CCDC134: variants seen among roughly 807,000 people sequenced by gnomAD.
CCDC134 encodes the protein coiled-coil domain-containing protein 134.
A neutral mutation model predicts 25.6 loss-of-function variants in CCDC134; 27 were observed. The observed-to-expected ratio is 1.05, with a 90% CI of 0.78 to 1.45. CCDC134 has a LOEUF of 1.45. CCDC134 is among the 40% of genes most tolerant of loss of function. The pLI is 0.00. For synonymous variants in CCDC134, 110 were observed against 115.0 expected (o/e 0.96, Z 0.28); for missense variants, 261 against 286.7 (o/e 0.91, Z 0.65).
At chr22:41,811,309 A>G (rs2076594762) in intron 4 of CCDC134, among the ~76,000 whole-genome samples, 1 of 152,214 alleles carries the variant, frequency 6.6e-6, no homozygotes, top group Non-Finnish European at 1.5e-5. Context: ...AACATTTATT[A>G]GGGACTTCTG....
intron 6 of CCDC134, among the ~76,000 whole-genome samples, chr22:41,821,777 T>G (rs2076653262): frequency 6.6e-6 from 1 of 152,000 alleles, no homozygotes; most frequent in South Asian, 2.1e-4. Flanking sequence ...GGCTTGGCCT[T>G]GTACAGAAGA....
intron 1 of CCDC134, among the ~76,000 whole-genome samples, chr22:41,805,531 A>G (rs933394386): frequency 6.6e-6 from 1 of 152,250 alleles, no homozygotes. Flanking sequence ...TTACAAAAGT[A>G]TTTCTTATGG....
intron 4 of CCDC134, among the ~76,000 whole-genome samples, chr22:41,812,422 CAA>C (rs36098937): frequency 2.4e-3 from 183 of 77,188 alleles, no homozygotes; most frequent in African/African-American, 6.2e-3. Flanking sequence ...ACTCCGTCTC[CAA>C]AAAAAAAAAA....
At chr22:41,804,397 A>G (rs1427179165) in intron 1 of CCDC134, among the ~76,000 whole-genome samples, 1 of 152,202 alleles carries the variant, frequency 6.6e-6, no homozygotes, top group East Asian at 1.9e-4. Flanking sequence ...TTCATGAAAG[A>G]AAGTTAGATT....
intron 1 of CCDC134, among the ~76,000 whole-genome samples, chr22:41,808,029 G>A (rs916149352): frequency 2.6e-5 from 4 of 151,824 alleles, no homozygotes; most frequent in African/African-American, 7.3e-5. Flanking sequence ...GCATGGTGGC[G>A]CATGCGTGTA....
At chr22:41,815,661 A>AT (rs1282707835) in intron 6 of CCDC134, among the ~76,000 whole-genome samples, 1 of 151,464 alleles carries the variant, frequency 6.6e-6, no homozygotes, top group South Asian at 2.1e-4. Flanking sequence ...CATTATTATT[A>AT]TTTTTTTTAT....
intron 6 of CCDC134, among the ~76,000 whole-genome samples, chr22:41,815,012 G>A (rs921863841): frequency 3.3e-5 from 5 of 151,966 alleles, no homozygotes; most frequent in Non-Finnish European, 7.4e-5. Context: ...TCACCACACC[G>A]TTCGAGGTTG....
chr22:41,810,037 G>T, intron 3 of CCDC134, 37 bp downstream of exon 3: 1 of 1,612,250 alleles, frequency 6.2e-7, no homozygotes, highest in Non-Finnish European at 8.5e-7. Flanking sequence ...GGCAGGTCCA[G>T]TCTTTGATCT....
chr22:41,812,100 T>C (rs1224607447), intron 4 of CCDC134, among the ~76,000 whole-genome samples: 1 of 152,056 alleles, frequency 6.6e-6, no homozygotes, highest in Non-Finnish European at 1.5e-5. Flanking sequence ...AATTTCCTGG[T>C]TTAGATAGTT....
intron 6 of CCDC134, among the ~76,000 whole-genome samples, chr22:41,814,703 G>A (rs970240059): frequency 6.6e-6 from 1 of 152,144 alleles, no homozygotes; most frequent in Middle Eastern, 3.2e-3. Context: ...GAGGGGTGTT[G>A]GGTGTCTCAA....
intron 1 of CCDC134, among the ~76,000 whole-genome samples, chr22:41,805,602 CAAGT>C (rs1259719807): frequency 6.6e-6 from 1 of 151,940 alleles, no homozygotes; most frequent in African/African-American, 2.4e-5. Flanking sequence ...GAAAACAAAA[CAAGT>C]AAAGAACCAA....
intron 3 of CCDC134, 59 bp from the exon 4 acceptor site, chr22:41,810,148 A>C: frequency 6.3e-7 from 1 of 1,597,644 alleles, no homozygotes; most frequent in South Asian, 1.1e-5. Context: ...ATAAATGGGG[A>C]TGGGAGCAGT....
At chr22:41,822,893 C>T (rs1246646390) in intron 6 of CCDC134, among the ~76,000 whole-genome samples, 1 of 148,504 alleles carries the variant, frequency 6.7e-6, no homozygotes, top group Non-Finnish European at 1.5e-5. Flanking sequence ...TTCTGTGAAT[C>T]CCCCCATCTT....
intron 6 of CCDC134, among the ~76,000 whole-genome samples, chr22:41,816,022 T>C (rs1030640467): frequency 5.9e-5 from 9 of 152,192 alleles, no homozygotes; most frequent in Non-Finnish European, 1.3e-4. Context: ...GTAAGTCTCA[T>C]TTTGGATAAT....
In CCDC134 at chr22:41,813,429, C is replaced by T. The variant is rs148694139; in HGVS notation, c.476C>T (p.Ser159Leu). Residue 159 changes from serine to leucine, a missense_variant, in exon 5 of 7, where the codon TCG becomes TTG. Physicochemically the swap from Ser to Leu is moderately radical, Grantham distance 145 (BLOSUM62 -2). Coordinates refer to ENST00000255784, the MANE Select transcript of CCDC134 (RefSeq NM_024821.5). ...QTGVFNQGPH[S>L]PILSLMAQEL... The stretch of plus-strand genomic sequence containing the variant: ...GGCGTCTTCAACCAGGGGCCCCACT[C>T]GCCCATCCTCAGCCTGGTAAGGACT... The T allele has an allele frequency of 2.9e-5, 47 of 1,614,106 alleles. 2 individuals are homozygous for T. In the South Asian group the frequency reaches 4.2e-4, roughly 14 times the overall value.
In CCDC134 at chr22:41,819,996, T is replaced by A. The variant is rs557878000; in HGVS notation, c.565-5702T>A. Among the ~76,000 whole-genome samples the A allele has an allele frequency of 6.1e-3, 808 of 132,352 alleles. 19 individuals are homozygous for A. The highest frequency in any genetic ancestry group is 0.024 in the African/African-American group (777 of 32,686). 86.8% of individuals were successfully genotyped at this position (132,352 alleles called of 152,430 possible). On this transcript the variant is annotated intron_variant, in intron 6 of 6. Coordinates refer to ENST00000255784, the MANE Select transcript of CCDC134 (RefSeq NM_024821.5). The stretch of plus-strand genomic sequence containing the variant: ...ATATATATATATATATATATATATA[T>A]ATAATTTTTTTTTTTTGAGACGGAG...
At chr22:41,801,989 A>T (rs907485333) in intron 1 of CCDC134, among the ~76,000 whole-genome samples, 7 of 152,186 alleles carry the variant, frequency 4.6e-5, no homozygotes, top group Admixed American at 4.6e-4. Flanking sequence ...TGCTAGTCTG[A>T]GGTTGGACAG....
intron 6 of CCDC134, among the ~76,000 whole-genome samples, chr22:41,816,141 A>G (rs907855939): frequency 6.6e-6 from 1 of 152,168 alleles, no homozygotes; most frequent in Non-Finnish European, 1.5e-5. Flanking sequence ...GGGGCAATAG[A>G]TGGACCCAAG....
At position 41,801,900 on chromosome 22, in the gene CCDC134, T is replaced by C. The variant is rs549167161; in HGVS notation, c.-17+1134T>C. On this transcript the variant is annotated intron_variant, in intron 1 of 6. Coordinates refer to ENST00000255784, the MANE Select transcript of CCDC134 (RefSeq NM_024821.5). Reference sequence around the variant, plus strand: ...TTGGGGAGGTAAAGGAAGACAAAGGTTTTGAAAAGGAAAAATGAGGATTAC... The same window carrying C: ...TTGGGGAGGTAAAGGAAGACAAAGGCTTTGAAAAGGAAAAATGAGGATTAC... Among the ~76,000 whole-genome samples, 21 of 152,142 alleles carry C rather than the reference T, an allele frequency of 1.4e-4. No individual in the cohort carries two copies. The South Asian group carries it at 3.5e-3, about 26-fold the overall frequency.
Sources: gnomAD v4.1 joint callset for allele counts (sites outside exome capture counted in the v4.1 genomes callset) on GRCh38, gnomAD v4.1.1 for gene constraint, MANE v1.5 for transcripts, NCBI Gene and HGNC (gene_info 2026-07-23, HGNC 2026-07-21) for gene names.